FAM53A: variants seen among roughly 807,000 people sequenced by gnomAD.
FAM53A encodes family with sequence similarity 53 member A, also known as protein FAM53A.
In FAM53A, 28 loss-of-function variants were observed where a neutral mutation model predicts 26.6. The ratio of observed to expected loss-of-function variants is 1.05; its 90% CI spans 0.78 to 1.45. The LOEUF is 1.45. FAM53A is among the 40% of genes most tolerant of loss of function. FAM53A has a pLI of 0.00. For missense variants in FAM53A, 650 were observed against 575.8 expected (o/e 1.13, Z -1.32); for synonymous variants, 290 against 253.1 (o/e 1.15, Z -1.38).
intron 2 of FAM53A, among the ~76,000 whole-genome samples, chr4:1,663,236 C>T (rs777836833): frequency 1.3e-5 from 2 of 152,110 alleles, no homozygotes. Context: ...TACATTGCTG[C>T]AGAACGGAAC....
the FAM53A span, among the ~76,000 whole-genome samples, chr4:1,577,015 C>T: frequency 6.6e-6 from 1 of 151,978 alleles, no homozygotes; most frequent in Non-Finnish European, 1.5e-5. Flanking sequence ...CTCCCTCCCT[C>T]CAGCCCTCTG....
At chr4:1,670,812 G>A (rs935826235) in intron 1 of FAM53A, among the ~76,000 whole-genome samples, 6 of 152,280 alleles carry the variant, frequency 3.9e-5, no homozygotes, top group Admixed American at 1.3e-4. Flanking sequence ...CACACCCCAC[G>A]CTGGTCGATG....
chr4:1,588,824 C>T, the FAM53A span, among the ~76,000 whole-genome samples: 5 of 152,168 alleles, frequency 3.3e-5, no homozygotes, highest in African/African-American at 1.2e-4. Flanking sequence ...CATAAATGGA[C>T]AATGATACAA....
intron 4 of FAM53A, among the ~76,000 whole-genome samples, chr4:1,652,234 GCACACACAC>G (rs1269837067): frequency 2.6e-5 from 2 of 75,628 alleles, no homozygotes; most frequent in African/African-American, 5.2e-5. Context: ...CACACTAGTC[GCACACACAC>G]CACACACACC....
intron 1 of FAM53A, among the ~76,000 whole-genome samples, chr4:1,624,810 T>G (rs1715207849): frequency 6.6e-6 from 1 of 152,168 alleles, no homozygotes; most frequent in Non-Finnish European, 1.5e-5. Context: ...GAGGCCCTCC[T>G]GGAAGAACCA....
the FAM53A span, among the ~76,000 whole-genome samples, chr4:1,596,292 C>T: frequency 7.9e-5 from 12 of 152,196 alleles, no homozygotes; most frequent in African/African-American, 1.7e-4. Flanking sequence ...CCATGCTGTC[C>T]GGATTTTTTA....
intron 1 of FAM53A, among the ~76,000 whole-genome samples, chr4:1,627,311 C>T (rs1368392804): frequency 6.6e-6 from 1 of 152,206 alleles, no homozygotes; most frequent in Admixed American, 6.5e-5. Flanking sequence ...CCATGGTGGC[C>T]GCTTGGTTGG....
chr4:1,670,108 G>A (rs767906529), intron 1 of FAM53A, among the ~76,000 whole-genome samples: 8 of 151,930 alleles, frequency 5.3e-5, no homozygotes, highest in South Asian at 4.1e-4. Flanking sequence ...AGGACCGCCC[G>A]GCCACGTGGG....
chr4:1,621,195 C>CA (rs1320117144), intron 1 of FAM53A, among the ~76,000 whole-genome samples: 2 of 150,584 alleles, frequency 1.3e-5, no homozygotes, highest in African/African-American at 4.9e-5. Flanking sequence ...CTCCGCCCCC[C>CA]AGGGTTCATG....
intron 4 of FAM53A, 102 bp from the exon 5 acceptor site, chr4:1,641,709 AT>A: frequency 8.3e-7 from 1 of 1,203,612 alleles, no homozygotes; most frequent in East Asian, 2.3e-5. Context: ...GGCTCTGGCC[AT>A]CCCCAAGACC....
intron 2 of FAM53A, among the ~76,000 whole-genome samples, chr4:1,662,180 T>TA (rs1478999399): frequency 6.6e-6 from 1 of 151,894 alleles, no homozygotes; most frequent in Non-Finnish European, 1.5e-5. Flanking sequence ...TATAAATTTT[T>TA]AAAAAATAGC....
chr4:1,657,614 T>C, intron 2 of FAM53A, 146 bp from the exon 3 acceptor site: 1 of 734,662 alleles, frequency 1.4e-6, no homozygotes, highest in Admixed American at 2.5e-5. Flanking sequence ...TATTAAAACC[T>C]AACAAAATTC....
At chr4:1,629,512 G>T (rs904197271) in intron 1 of FAM53A, among the ~76,000 whole-genome samples, 1 of 152,210 alleles carries the variant, frequency 6.6e-6, no homozygotes, top group Non-Finnish European at 1.5e-5. Flanking sequence ...CACTGGCCAT[G>T]GCCTTGGCCT....
downstream of FAM53A, among the ~76,000 whole-genome samples, chr4:1,613,616 T>C (rs1437506350): frequency 6.6e-6 from 1 of 152,176 alleles, no homozygotes; most frequent in East Asian, 1.9e-4. Flanking sequence ...TATGCGTGTG[T>C]GTGTCACAGG....
chr4:1,608,335 G>A, the FAM53A span, among the ~76,000 whole-genome samples: 2 of 152,132 alleles, frequency 1.3e-5, no homozygotes, highest in Non-Finnish European at 2.9e-5. Flanking sequence ...GGCCTCCTGA[G>A]AGAGCCCCGT....
chr4:1,676,885 A>G (rs1715082562), intron 1 of FAM53A, among the ~76,000 whole-genome samples: 1 of 152,138 alleles, frequency 6.6e-6, no homozygotes, highest in Admixed American at 6.5e-5. Context: ...TGTTCTCCAA[A>G]GTTCATAATT....
the FAM53A span, among the ~76,000 whole-genome samples, chr4:1,605,077 G>T: frequency 1.3e-5 from 2 of 152,220 alleles, no homozygotes; most frequent in African/African-American, 4.8e-5. The surrounding 1 kb of genome is among the most constrained non-coding windows in gnomAD (Gnocchi z 5.7). Flanking sequence ...CCACCTGGCT[G>T]CTGAGTCTCG....
intron 4 of FAM53A, among the ~76,000 whole-genome samples, chr4:1,649,402 C>A (rs1469927047): frequency 6.6e-6 from 1 of 152,252 alleles, no homozygotes; most frequent in Admixed American, 6.5e-5. Flanking sequence ...CCACAAGCAC[C>A]GTTTCTGACC....
chr4:1,678,409 G>T (rs1280976795), intron 1 of FAM53A, among the ~76,000 whole-genome samples: 5 of 152,210 alleles, frequency 3.3e-5, no homozygotes, highest in African/African-American at 9.7e-5. Context: ...AGGCAGAACA[G>T]AGAGCCCAGA....
Sources: allele counts gnomAD v4.1 joint callset (sites outside exome capture counted in the v4.1 genomes callset), GRCh38; gene constraint gnomAD v4.1.1; non-coding constraint Gnocchi (gnomAD v3.1); transcripts MANE v1.5; gene names NCBI Gene and HGNC (gene_info 2026-07-23, HGNC 2026-07-21).